The following RARB variants were observed in gnomAD, a reference collection of about 807,000 sequenced individuals.
The protein encoded by RARB is HBV-activated protein.
Under a neutral mutation model 51.9 loss-of-function variants are expected in RARB, and 17 were observed. That is an observed-to-expected ratio of 0.33 (90% CI 0.22 to 0.49). The LOEUF is 0.49. Ranked by LOEUF, RARB falls within the 20% of genes least tolerant of loss-of-function variation. The probability of loss-of-function intolerance (pLI) is 0.99; values close to 1 mark genes in which losing one functional copy is unlikely to be tolerated. For synonymous variants in RARB, 215 were observed against 195.4 expected (o/e 1.10, Z -0.84); for missense variants, 369 against 550.8 (o/e 0.67, Z 3.30).
chr3:24,836,115 A>C (rs560984419), intron 1 of RARB, among the ~76,000 whole-genome samples: 1 of 152,332 alleles, frequency 6.6e-6, no homozygotes, highest in African/African-American at 2.4e-5. Flanking sequence ...GAGAGAGTGA[A>C]TGTGGATAAT....
intron 4 of RARB, among the ~76,000 whole-genome samples, chr3:25,157,380 G>GTGTGTATA (rs758200423): frequency 2.7e-5 from 4 of 146,680 alleles, no homozygotes; most frequent in South Asian, 4.4e-4. Flanking sequence ...GTGTGTGTGT[G>GTGTGTATA]TATATATATG....
At chr3:25,026,133 A>G (rs368422320) in intron 2 of RARB, among the ~76,000 whole-genome samples, 12 of 152,142 alleles carry the variant, frequency 7.9e-5, no homozygotes, top group African/African-American at 2.7e-4. Flanking sequence ...GGGCCTTCTT[A>G]GATACCTGCA....
chr3:25,464,658 T>TA (rs928636577), intron 2 of RARB, among the ~76,000 whole-genome samples: 1 of 151,962 alleles, frequency 6.6e-6, no homozygotes, highest in Admixed American at 6.6e-5. Flanking sequence ...AATATAACTT[T>TA]AAAAAAATTA....
At chr3:24,963,366 C>A (rs1230856262) in intron 2 of RARB, among the ~76,000 whole-genome samples, 4 of 150,216 alleles carry the variant, frequency 2.7e-5, no homozygotes, top group Admixed American at 1.3e-4. Context: ...TATTTTTGTC[C>A]TTGGTCAGCT....
intron 2 of RARB, among the ~76,000 whole-genome samples, chr3:25,034,478 G>A (rs533876201): frequency 9.2e-5 from 14 of 152,336 alleles, no homozygotes; most frequent in African/African-American, 3.4e-4. Flanking sequence ...ATGGAAAAGT[G>A]TATAGACAGT....
intron 5 of RARB, among the ~76,000 whole-genome samples, chr3:25,207,939 G>T (rs535799292): frequency 1.3e-5 from 2 of 151,938 alleles, no homozygotes; most frequent in Admixed American, 6.6e-5. Flanking sequence ...TTCTGAAGAG[G>T]CCTCAGGGAG....
At chr3:25,184,436 G>T (rs1700929818) in intron 5 of RARB, among the ~76,000 whole-genome samples, 1 of 152,110 alleles carries the variant, frequency 6.6e-6, no homozygotes, top group South Asian at 2.1e-4. Flanking sequence ...CCTAACCTCT[G>T]GGAGCTTATA....
At chr3:25,069,720 G>A (rs958920043) in intron 3 of RARB, among the ~76,000 whole-genome samples, 1 of 152,216 alleles carries the variant, frequency 6.6e-6, no homozygotes, top group Non-Finnish European at 1.5e-5. Flanking sequence ...GGGAGGCAGG[G>A]AAAGTTAGAT....
At chr3:24,834,508 G>A (rs1352262282) in intron 1 of RARB, among the ~76,000 whole-genome samples, 1 of 152,144 alleles carries the variant, frequency 6.6e-6, no homozygotes, top group Non-Finnish European at 1.5e-5. Context: ...CAGAACTGTT[G>A]TAGCAGGCTT....
At chr3:25,340,531 G>A (rs1280164096) in intron 5 of RARB, among the ~76,000 whole-genome samples, 1 of 152,168 alleles carries the variant, frequency 6.6e-6, no homozygotes, top group South Asian at 2.1e-4. Context: ...CAAGCAGCAT[G>A]GACATGTGAA....
chr3:25,196,617 C>G (rs1393240166), intron 5 of RARB, among the ~76,000 whole-genome samples: 1 of 152,118 alleles, frequency 6.6e-6, no homozygotes. Flanking sequence ...AATGGTATTA[C>G]TAGTTCTAGA....
intron 1 of RARB, among the ~76,000 whole-genome samples, chr3:24,854,850 C>T (rs555337952): frequency 1.3e-5 from 2 of 152,284 alleles, no homozygotes; most frequent in East Asian, 3.9e-4. Flanking sequence ...GAACTAGTGC[C>T]TTATGGCAAG....
chr3:24,966,727 A>G (rs960229035), intron 2 of RARB, among the ~76,000 whole-genome samples: 2 of 152,068 alleles, frequency 1.3e-5, no homozygotes, highest in African/African-American at 4.8e-5. Flanking sequence ...GTATGGGTTC[A>G]CCCACTTTAA....
At chr3:24,994,504 G>A (rs572051156) in intron 2 of RARB, among the ~76,000 whole-genome samples, 1,778 of 151,956 alleles carry the variant, frequency 0.012, 18 homozygotes, top group Non-Finnish European at 0.019. Context: ...TTGGATCGAT[G>A]TAATTATATT....
intron 2 of RARB, among the ~76,000 whole-genome samples, chr3:24,974,307 T>A (rs1696463590): frequency 6.6e-6 from 1 of 152,140 alleles, no homozygotes; most frequent in African/African-American, 2.4e-5. Flanking sequence ...GTGAATAATT[T>A]TTTAAACGCA....
At chr3:25,527,846 C>A (rs1392636027) in intron 3 of RARB, among the ~76,000 whole-genome samples, 1 of 152,126 alleles carries the variant, frequency 6.6e-6, no homozygotes, top group Non-Finnish European at 1.5e-5. Context: ...ACTCTGTAAA[C>A]CTCCAAAGAA....
chr3:25,027,604 C>G (rs1482160772), intron 2 of RARB, among the ~76,000 whole-genome samples: 1 of 106,514 alleles, frequency 9.4e-6, no homozygotes, highest in East Asian at 3.6e-4. Context: ...AGAAGGTACA[C>G]TTTATGGAAA....
intron 2 of RARB, among the ~76,000 whole-genome samples, chr3:25,002,963 A>G (rs1415109413): frequency 6.6e-6 from 1 of 152,162 alleles, no homozygotes; most frequent in Non-Finnish European, 1.5e-5. Context: ...TTACAATAGT[A>G]AAAGATCTTC....
At chr3:24,918,831 C>T (rs1695159839) in intron 2 of RARB, among the ~76,000 whole-genome samples, 1 of 152,150 alleles carries the variant, frequency 6.6e-6, no homozygotes, top group Non-Finnish European at 1.5e-5. Flanking sequence ...GCAGAGGTTG[C>T]AGTGAGCCAG....
Sources: allele counts gnomAD v4.1 joint callset (sites outside exome capture counted in the v4.1 genomes callset), GRCh38; gene constraint gnomAD v4.1.1; transcripts MANE v1.5; gene names NCBI Gene and HGNC (gene_info 2026-07-23, HGNC 2026-07-21).